Variants in ABI3BP observed in about 807,000 individuals in gnomAD.
ABI3BP encodes target of Nesh-SH3.
In ABI3BP, 216 loss-of-function variants were observed where a neutral mutation model predicts 268.6. That is an observed-to-expected ratio of 0.80 (90% CI 0.72 to 0.90). The LOEUF is 0.90. Ranked by LOEUF, ABI3BP falls within the 40% of genes least tolerant of loss-of-function variation. The probability of loss-of-function intolerance (pLI) is 0.00; values close to 1 mark genes in which losing one functional copy is unlikely to be tolerated. For missense variants in ABI3BP, 2,090 were observed against 2,182.4 expected (o/e 0.96, Z 0.84); for synonymous variants, 730 against 730.0 (o/e 1.00, Z 0.00).
Position 100,898,799 on chromosome 3 carries a change from G to C in ABI3BP, c.424C>G (p.His142Asp), listed in dbSNP as rs763062378. 64 of 1,613,692 alleles carry C rather than the reference G, an allele frequency of 4.0e-5. No individual in the cohort carries two copies. In the Middle Eastern group the frequency reaches 6.6e-4, roughly 17 times the overall value. ...LSWGFLINPH[H>D]DWTLPSHCPN... Reference sequence around the variant, plus strand: ...CAGTGACTTGGCAATGTCCAGTCATGGTGTGGGTTGATGAGGAAACCCCAG... The same window carrying C: ...CAGTGACTTGGCAATGTCCAGTCATCGTGTGGGTTGATGAGGAAACCCCAG... Residue 142 changes from histidine (H) to aspartate (D), a missense_variant, in exon 4 of 68, where the codon CAT (histidine) becomes GAT (aspartate). By Grantham distance (81) the His-to-Asp change is moderately conservative. Coordinates refer to ENST00000471714, the MANE Select transcript of ABI3BP (RefSeq NM_001375547.2).
At chr3:100,825,889 G>A in intron 34 of ABI3BP, 45 bp from the exon 35 acceptor site, 4 of 1,367,362 alleles carry the variant, frequency 2.9e-6, no homozygotes, top group South Asian at 2.5e-5. Context: ...AAATGTGTGG[G>A]AGCTATAGTA....
At chr3:100,913,491 A>G (rs1176845724) in intron 2 of ABI3BP, among the ~76,000 whole-genome samples, 2 of 152,124 alleles carry the variant, frequency 1.3e-5, no homozygotes, top group Non-Finnish European at 2.9e-5. Context: ...TTCTGGAAAA[A>G]CACTGATGGT....
intron 62 of ABI3BP, among the ~76,000 whole-genome samples, chr3:100,770,176 G>C (rs917381506): frequency 6.6e-6 from 1 of 152,060 alleles, no homozygotes; most frequent in Admixed American, 6.5e-5. Context: ...TATCCTCTTC[G>C]TTATGGAGAA....
intron 14 of ABI3BP, among the ~76,000 whole-genome samples, chr3:100,853,396 T>A (rs971873617): frequency 5.3e-5 from 8 of 152,248 alleles, no homozygotes; most frequent in Non-Finnish European, 8.8e-5. Flanking sequence ...ATCTTAAGCT[T>A]ATTTTCAGCC....
intron 34 of ABI3BP, 53 bp from the exon 35 acceptor site, chr3:100,825,897 G>C: frequency 7.7e-7 from 1 of 1,296,278 alleles, no homozygotes; most frequent in Non-Finnish European, 1.1e-6. Context: ...GGGAGCTATA[G>C]TATTCACATC....
At chr3:100,993,087 G>A (rs1221578119) in intron 1 of ABI3BP, among the ~76,000 whole-genome samples, 2 of 152,154 alleles carry the variant, frequency 1.3e-5, no homozygotes, top group African/African-American at 4.8e-5. Context: ...AATGTAATAA[G>A]TTTGTTTTCA....
rs78660106 is a variant in ABI3BP at position 100,953,030 on chromosome 3, G to C, written c.80-26549C>G. ...AAACTTCATCCTGCATCCTCTTGAT[G>C]TCATCTTTGATTCTTTTCACTTTTC... is the stretch of plus-strand genomic sequence containing the variant. On this transcript the variant is annotated intron_variant, in intron 1 of 67. Coordinates refer to ENST00000471714, the MANE Select transcript of ABI3BP (RefSeq NM_001375547.2). Among the ~76,000 whole-genome samples the C allele has an allele frequency of 8.5e-5, 13 of 152,212 alleles. No homozygotes were observed. In the East Asian group the frequency reaches 2.3e-3, roughly 27 times the overall value.
intron 12 of ABI3BP, 49 bp from the exon 13 acceptor site, chr3:100,862,958 G>A: frequency 2.2e-6 from 3 of 1,375,904 alleles, no homozygotes; most frequent in Non-Finnish European, 2.9e-6. Context: ...GAAAGTAACA[G>A]GAAAGATTTT....
chr3:100,795,313 C>G (rs776700773), intron 53 of ABI3BP, among the ~76,000 whole-genome samples: 1 of 151,944 alleles, frequency 6.6e-6, no homozygotes, highest in African/African-American at 2.4e-5. Context: ...CTCCCCCGTT[C>G]AAGAGAGCAT....
chr3:100,854,193 A>AG (rs1046362844), intron 14 of ABI3BP, among the ~76,000 whole-genome samples: 2 of 151,440 alleles, frequency 1.3e-5, no homozygotes, highest in Admixed American at 6.6e-5. Flanking sequence ...TCTACTAAAA[A>AG]AAAAAAAAAA....
At chr3:100,854,307 C>T (rs549140106) in intron 14 of ABI3BP, among the ~76,000 whole-genome samples, 12 of 152,042 alleles carry the variant, frequency 7.9e-5, no homozygotes, top group African/African-American at 1.9e-4. Flanking sequence ...TGCAGTGAGC[C>T]GAGATCTCGC....
intron 26 of ABI3BP, 36 bp downstream of exon 26, chr3:100,838,174 A>G: frequency 1.3e-6 from 2 of 1,501,650 alleles, no homozygotes; most frequent in East Asian, 2.5e-5. Flanking sequence ...TCCAAAGAAA[A>G]TCCTGTTAAG....
chr3:100,823,601 T>C lies in ABI3BP; in HGVS notation c.2747-87A>G. 7 of 985,608 alleles carry C rather than the reference T, an allele frequency of 7.1e-6. No individual in the cohort carries two copies. In the South Asian group the frequency reaches 9.4e-5, roughly 13 times the overall value. 61.1% of individuals were successfully genotyped at this position (985,608 alleles called of 1,614,324 possible). On this transcript the variant is annotated intron_variant, in intron 36 of 67. Coordinates refer to ENST00000471714, the MANE Select transcript of ABI3BP (RefSeq NM_001375547.2). Reference sequence around the variant, plus strand: ...CATGCAAACAAATTTTACTGGTATGTCAATTCTTCCAGAGAAACAAAAAAA... The same window carrying C: ...CATGCAAACAAATTTTACTGGTATGCCAATTCTTCCAGAGAAACAAAAAAA...
At chr3:100,795,959 C>G in intron 52 of ABI3BP, 108 bp from the exon 53 acceptor site, 1 of 749,382 alleles carries the variant, frequency 1.3e-6, no homozygotes, top group Non-Finnish European at 1.8e-6. Context: ...TTTAAATGTT[C>G]TCTAAGAATT....
intron 1 of ABI3BP, chr3:100,930,769 G>A (rs975181036): frequency 6.6e-6 from 1 of 151,848 alleles, no homozygotes; most frequent in African/African-American, 2.4e-5. Flanking sequence ...CTATAAAGAT[G>A]AACTGGTACC....
chr3:100,878,105 A>G (rs1338133661), intron 6 of ABI3BP, among the ~76,000 whole-genome samples: 5 of 152,218 alleles, frequency 3.3e-5, no homozygotes, highest in African/African-American at 7.2e-5. Context: ...GGAATTAATC[A>G]AAGACAGTGT....
chr3:100,984,077 T>C (rs2090747619), intron 1 of ABI3BP, among the ~76,000 whole-genome samples: 1 of 152,006 alleles, frequency 6.6e-6, no homozygotes, highest in Non-Finnish European at 1.5e-5. Context: ...CACTTATACA[T>C]ACAAATTGTC....
At chr3:100,753,395 C>A (rs979544564) in intron 65 of ABI3BP, among the ~76,000 whole-genome samples, 1 of 151,806 alleles carries the variant, frequency 6.6e-6, no homozygotes, top group African/African-American at 2.4e-5. Flanking sequence ...AAGTGAACAT[C>A]CCACCTCAGC....
chr3:100,822,648 C>A lies in ABI3BP; in HGVS notation c.2828G>T (p.Arg943Leu). Reference sequence around the variant, plus strand: ...GGTTTTTGTTCTGAGACGTGGACGACGTGTCCGTTGTGATGTTTTGGAAGC... The same window carrying A: ...GGTTTTTGTTCTGAGACGTGGACGAAGTGTCCGTTGTGATGTTTTGGAAGC... ...TLASKTSQRT[R>L]RPRLRTKTTP... is the part of the protein sequence containing the mutation. The change falls in exon 38 of 68, where the codon CGT (arginine) becomes CTT (leucine). Residue 943 changes from arginine (R) to leucine (L), a missense_variant. Physicochemically the swap from Arg to Leu is moderately radical, Grantham distance 102. Transcript: ENST00000471714. The A allele has an allele frequency of 1.3e-6, 2 of 1,536,428 alleles. No individual in the cohort carries two copies. The highest frequency in any genetic ancestry group is 1.7e-6 in the Non-Finnish European group (2 of 1,146,962).
Sources: gnomAD v4.1 joint callset for allele counts (sites outside exome capture counted in the v4.1 genomes callset) on GRCh38, gnomAD v4.1.1 for gene constraint, MANE v1.5 for transcripts, NCBI Gene and HGNC (gene_info 2026-07-23, HGNC 2026-07-21) for gene names.